Variants in ZCCHC8 observed in about 807,000 individuals in gnomAD.
The protein encoded by ZCCHC8 is zinc finger CCHC-type containing 8.
A neutral mutation model predicts 70.6 loss-of-function variants in ZCCHC8; 27 were observed. That is an observed-to-expected ratio of 0.38 (90% CI 0.28 to 0.53). The LOEUF (loss-of-function observed/expected upper bound fraction) is 0.53, where lower values mean the gene tolerates loss of function less well. Ranked by LOEUF, ZCCHC8 falls within the 20% of genes least tolerant of loss-of-function variation. The pLI, the probability that ZCCHC8 is intolerant of heterozygous loss-of-function variation, is 0.81. For missense variants in ZCCHC8, 737 were observed against 876.9 expected, an observed-to-expected ratio of 0.84 and a Z score of 2.01; for synonymous variants, 293 against 317.4, an observed-to-expected ratio of 0.92 and a Z score of 0.82.
At chr12:122,488,105 A>G (rs1430757058) in intron 5 of ZCCHC8, among the ~76,000 whole-genome samples, 2 of 151,018 alleles carry the variant, frequency 1.3e-5, no homozygotes, top group African/African-American at 4.9e-5. Flanking sequence ...ATCTCGGCTC[A>G]CTGCAGCCTC....
chr12:122,497,878 G>A (rs1162066941), intron 2 of ZCCHC8, among the ~76,000 whole-genome samples: 2 of 151,860 alleles, frequency 1.3e-5, no homozygotes, highest in African/African-American at 4.8e-5. Flanking sequence ...GTGTGGTGGT[G>A]TCTGCCTGTA....
intron 2 of ZCCHC8, among the ~76,000 whole-genome samples, chr12:122,496,389 G>A (rs1957826735): frequency 6.6e-6 from 1 of 151,996 alleles, no homozygotes; most frequent in Admixed American, 6.6e-5. Context: ...CTAATCCTTT[G>A]TGCTTATAAA....
chr12:122,482,037 G>A lies in ZCCHC8; in HGVS notation c.783C>T (p.Ala261=). ...AATTCTGATTGTTTGCTTCTCCACA[G>A]GCATCCATATACTCTTTTCTCTTTT... ...ISEKRKEYMD[A]CGEANNQNFQ... The change falls in exon 9 of 14, where the codon GCC becomes GCT. Residue 261 remains alanine, a synonymous_variant. Transcript: ENST00000633063. The A allele has an allele frequency of 6.2e-7, 1 of 1,612,932 alleles. No individual in the cohort carries two copies. Among genetic ancestry groups the A allele is most frequent in the Non-Finnish European group, 8.5e-7 (1 of 1,179,670 alleles).
chr12:122,488,117 G>A (rs910621264), intron 5 of ZCCHC8, among the ~76,000 whole-genome samples: 1 of 151,874 alleles, frequency 6.6e-6, no homozygotes, highest in East Asian at 1.9e-4. Flanking sequence ...TGCAGCCTCA[G>A]TCTCTTGGGT....
rs1957917218 is a variant in ZCCHC8, at chr12:122,500,863, A to T, written c.-23T>A. ...CATTTTGGGCTGTGGAAAAGATTCGAGAAGAGGCGGAGCCGGCCACCAGGG... is the reference window on the plus strand; with the variant it reads ...CATTTTGGGCTGTGGAAAAGATTCGTGAAGAGGCGGAGCCGGCCACCAGGG... On this transcript the variant is annotated 5_prime_UTR_variant, in exon 1 of 14. Coordinates refer to ENST00000633063, the MANE Select transcript of ZCCHC8 (RefSeq NM_017612.5). The surrounding 1 kb of genome is among the most constrained non-coding windows in gnomAD (Gnocchi z 4.8). 1 of 1,554,694 alleles carries T rather than the reference A, an allele frequency of 6.4e-7. No individual in the cohort carries two copies. Among genetic ancestry groups the T allele is most frequent in the African/African-American group, 1.4e-5 (1 of 73,374 alleles).
chr12:122,489,336 G>A, intron 5 of ZCCHC8, 50 bp downstream of exon 5: 1 of 1,558,562 alleles, frequency 6.4e-7, no homozygotes, highest in South Asian at 1.1e-5. Flanking sequence ...GTTGACATAG[G>A]ATAGGAAACA....
chr12:122,474,758 A>C (rs901276492), intron 13 of ZCCHC8, among the ~76,000 whole-genome samples: 1 of 122,800 alleles, frequency 8.1e-6, no homozygotes, highest in South Asian at 2.7e-4. Flanking sequence ...TTTTTTTGAG[A>C]CAGTCTTACT....
At chr12:122,496,122 G>A (rs1432028881) in intron 2 of ZCCHC8, among the ~76,000 whole-genome samples, 2 of 151,856 alleles carry the variant, frequency 1.3e-5, no homozygotes, top group Non-Finnish European at 2.9e-5. Flanking sequence ...AGCAGTAACT[G>A]CACGACTGCA....
In ZCCHC8 at chr12:122,473,112, A is replaced by C. The variant is rs1245909154; in HGVS notation, c.*385T>G. ...TTGAAACATGAATTTAAAATGGTAG[A>C]ATTTTTTCTTTTAAAAAGTGATATA... On this transcript the variant is annotated 3_prime_UTR_variant, in exon 14 of 14. Coordinates refer to ENST00000633063, the MANE Select transcript of ZCCHC8 (RefSeq NM_017612.5). 1 of 161,866 alleles carries C rather than the reference A, an allele frequency of 6.2e-6. No homozygotes were observed. The highest frequency in any genetic ancestry group is 2.4e-5 in the African/African-American group (1 of 41,738). The allele number at this position is 161,866 out of a possible 1,614,324, so 10.0% of individuals were successfully genotyped here. A position where few individuals can be genotyped will look rare whatever the true frequency, so the allele number is the denominator to read the frequency against.
In ZCCHC8 at chr12:122,482,743, A is replaced by T. The variant is rs1369341060; in HGVS notation, c.672-48T>A. 3 of 1,504,978 alleles carry T rather than the reference A, an allele frequency of 2.0e-6. No homozygotes were observed. In the African/African-American group the frequency reaches 4.2e-5, roughly 21 times the overall value. The allele number at this position is 1,504,978 out of a possible 1,614,324, so 93.2% of individuals were successfully genotyped here. A position where few individuals can be genotyped will look rare whatever the true frequency, so the allele number is the denominator to read the frequency against. On this transcript the variant is annotated intron_variant, in intron 7 of 13. Coordinates refer to ENST00000633063, the MANE Select transcript of ZCCHC8 (RefSeq NM_017612.5). ...TTTTTATAATGTCAATAAAAATAGA[A>T]AAGCAAATCAATAAAATTCTATATG...
At chr12:122,481,761 C>T (rs2137335786) in intron 9 of ZCCHC8, 97 bp from the exon 10 acceptor site, 2 of 1,415,168 alleles carry the variant, frequency 1.4e-6, no homozygotes, top group African/African-American at 1.5e-5. Context: ...GCTTATATTA[C>T]ATACCATGAC....
At chr12:122,478,115 A>C (rs1957455845) in intron 12 of ZCCHC8, 91 bp downstream of exon 12, 4 of 1,311,486 alleles carry the variant, frequency 3.0e-6, no homozygotes, top group Non-Finnish European at 4.3e-6. Context: ...TCAAGATAAC[A>C]AAGCAAGAAA....
chr12:122,475,498 G>C (rs1284690112), intron 13 of ZCCHC8, among the ~76,000 whole-genome samples: 1 of 152,192 alleles, frequency 6.6e-6, no homozygotes, highest in Non-Finnish European at 1.5e-5. Context: ...CCCATCTGCT[G>C]TTCTCACAAA....
At position 122,492,744 on chromosome 12, in the gene ZCCHC8, C is replaced by G; in HGVS notation, c.288G>C (p.Gln96His). ...NDTKLDGPIL[Q>H]ILFMNNAISK... is the part of the protein sequence containing the mutation. ...AAATAGCATTGTTCATGAATAGAAT[C>G]TGTAATATAGGTCCATCTAACTTAG... Residue 96 changes from glutamine (Q) to histidine (H), a missense_variant, in exon 3 of 14, where the codon CAG (glutamine) becomes CAC (histidine). Gln to His is a conservative substitution (Grantham distance 24). Transcript: ENST00000633063. 2 of 1,548,954 alleles carry G rather than the reference C, an allele frequency of 1.3e-6. No homozygotes were observed. Among genetic ancestry groups the G allele is most frequent in the Non-Finnish European group, 1.8e-6 (2 of 1,142,246 alleles).
chr12:122,474,654 C>T (rs893490294), intron 13 of ZCCHC8, among the ~76,000 whole-genome samples: 3 of 151,200 alleles, frequency 2.0e-5, no homozygotes, highest in Admixed American at 2.0e-4. Flanking sequence ...GAGGTGCAGG[C>T]TGGTTACTGA....
chr12:122,475,235 G>A (rs1380255165), intron 13 of ZCCHC8, among the ~76,000 whole-genome samples: 2 of 151,796 alleles, frequency 1.3e-5, no homozygotes, highest in Admixed American at 6.6e-5. Context: ...AGTAGAGATG[G>A]GGTTTCTCCA....
intron 3 of ZCCHC8, among the ~76,000 whole-genome samples, chr12:122,491,731 G>A (rs1278795691): frequency 2.6e-5 from 4 of 151,982 alleles, no homozygotes; most frequent in East Asian, 3.9e-4. Flanking sequence ...GGGAGGCTGC[G>A]GCAGGAGAAT....
Position 122,483,227 on chromosome 12 carries a change from G to T in ZCCHC8, c.671+52C>A. On this transcript the variant is annotated intron_variant, in intron 7 of 13. Coordinates refer to ENST00000633063, the MANE Select transcript of ZCCHC8 (RefSeq NM_017612.5). This position sits in a 1 kb window ranked among gnomAD's most constrained non-coding sequence, Gnocchi z 4.4. The stretch of plus-strand genomic sequence containing the variant: ...TGAACTTTTCAAGCCAAAAGTTTAT[G>T]ATTTTGGTTAAAAAAGTAAATAAGT... 2 of 1,502,230 alleles carry T rather than the reference G, an allele frequency of 1.3e-6. No homozygotes were observed. Among genetic ancestry groups the T allele is most frequent in the Non-Finnish European group, 1.8e-6 (2 of 1,107,182 alleles). The allele number at this position is 1,502,230 out of a possible 1,614,324, so 93.1% of individuals were successfully genotyped here. A position where few individuals can be genotyped will look rare whatever the true frequency, so the allele number is the denominator to read the frequency against.
At chr12:122,498,759 C>T in intron 2 of ZCCHC8, 68 bp downstream of exon 2, 1 of 1,474,082 alleles carries the variant, frequency 6.8e-7, no homozygotes, top group South Asian at 1.2e-5. Context: ...CAACGAAATT[C>T]TGATTAAATA....
Sources: allele counts gnomAD v4.1 joint callset (sites outside exome capture counted in the v4.1 genomes callset), GRCh38; gene constraint gnomAD v4.1.1; non-coding constraint Gnocchi (gnomAD v3.1); transcripts MANE v1.5; gene names NCBI Gene and HGNC (gene_info 2026-07-23, HGNC 2026-07-21).